KLF13: variants seen among roughly 807,000 people sequenced by gnomAD.
KLF13 encodes the protein KLF transcription factor 13, also known as Krueppel-like factor 13.
A neutral mutation model predicts 16.7 loss-of-function variants in KLF13; 8 were observed. The ratio of observed to expected loss-of-function variants is 0.48; its 90% CI spans 0.28 to 0.87. The LOEUF (loss-of-function observed/expected upper bound fraction) is 0.87, where lower values mean the gene tolerates loss of function less well. Among genes scored for constraint, KLF13 ranks in the 40% least tolerant of loss-of-function variants. KLF13 has a pLI of 0.10. For missense variants in KLF13, 447 were observed against 452.2 expected, an observed-to-expected ratio of 0.99 and a Z score of 0.10; for synonymous variants, 245 against 208.4, an observed-to-expected ratio of 1.18 and a Z score of -1.51.
chr15:31,349,058 T>G (rs118112208), intron 1 of KLF13, among the ~76,000 whole-genome samples: 1 of 152,070 alleles, frequency 6.6e-6, no homozygotes, highest in Non-Finnish European at 1.5e-5. Flanking sequence ...GGCTTCAGGG[T>G]ATGGGTTTTC....
intron 1 of KLF13, among the ~76,000 whole-genome samples, chr15:31,328,571 C>T (rs1011216134): frequency 6.6e-6 from 1 of 151,894 alleles, no homozygotes; most frequent in South Asian, 2.1e-4. Context: ...TGCCCTCTCG[C>T]CTGCCCACCT....
intron 1 of KLF13, among the ~76,000 whole-genome samples, chr15:31,433,759 C>T (rs1200172174): frequency 6.6e-6 from 1 of 151,744 alleles, no homozygotes; most frequent in Non-Finnish European, 1.5e-5. Context: ...AGCAGTGGTG[C>T]CCCTGTGTGG....
intron 1 of KLF13, among the ~76,000 whole-genome samples, chr15:31,355,016 G>A (rs4779865): frequency 0.82 from 125,132 of 152,082 alleles, 51,625 homozygotes; most frequent in South Asian, 0.88. Context: ...AAAACCCCCG[G>A]GCTTGGGGTT....
downstream of KLF13, among the ~76,000 whole-genome samples, chr15:31,408,082 C>T (rs975027033): frequency 6.6e-6 from 1 of 152,160 alleles, no homozygotes; most frequent in Non-Finnish European, 1.5e-5. Context: ...GAAGAACTAT[C>T]TCTGTTTGCA....
upstream of KLF13, among the ~76,000 whole-genome samples, chr15:31,389,827 G>A (rs4450360): frequency 0.051 from 7,793 of 152,172 alleles, 290 homozygotes; most frequent in East Asian, 0.13. Flanking sequence ...ACAGCTAACC[G>A]CTGGGCCAGG....
intron 1 of KLF13, among the ~76,000 whole-genome samples, chr15:31,357,386 A>T (rs1359632767): frequency 6.6e-6 from 1 of 152,100 alleles, no homozygotes; most frequent in Admixed American, 6.5e-5. Flanking sequence ...CTGATCCTTG[A>T]TGTCTGGTGA....
At chr15:31,356,033 C>A (rs79056675) in intron 1 of KLF13, among the ~76,000 whole-genome samples, 2,609 of 152,106 alleles carry the variant, frequency 0.017, 80 homozygotes, top group African/African-American at 0.06. Context: ...TTTTCCTTTC[C>A]TTCTGACTTT....
At chr15:31,342,629 C>G (rs889619063) in intron 1 of KLF13, among the ~76,000 whole-genome samples, 8 of 152,224 alleles carry the variant, frequency 5.3e-5, no homozygotes, top group Admixed American at 2.0e-4. Flanking sequence ...TCGCTCGTTT[C>G]CACAGGCATT....
intron 1 of KLF13, among the ~76,000 whole-genome samples, chr15:31,421,178 A>G (rs1443373377): frequency 6.6e-6 from 1 of 152,242 alleles, no homozygotes; most frequent in Non-Finnish European, 1.5e-5. Flanking sequence ...TTATTAAAAA[A>G]AAATGAAGGT....
chr15:31,420,996 C>T (rs995554926), intron 1 of KLF13, among the ~76,000 whole-genome samples: 1 of 152,178 alleles, frequency 6.6e-6, no homozygotes, highest in Non-Finnish European at 1.5e-5. Flanking sequence ...CCTGGCTTCC[C>T]TGCCTATCTT....
chr15:31,413,802 CAA>C (rs1266325259), intron 1 of KLF13, among the ~76,000 whole-genome samples: 3 of 152,108 alleles, frequency 2.0e-5, no homozygotes, highest in African/African-American at 7.2e-5. Context: ...TCCACAGAAA[CAA>C]AGAGTATCAG....
intron 1 of KLF13, among the ~76,000 whole-genome samples, chr15:31,425,479 G>A (rs1714073507): frequency 1.3e-5 from 2 of 152,210 alleles, no homozygotes; most frequent in African/African-American, 2.4e-5. Flanking sequence ...TTTCACATAT[G>A]TGGTCAAATG....
At chr15:31,418,248 A>C (rs1045234432) in intron 1 of KLF13, among the ~76,000 whole-genome samples, 3 of 152,320 alleles carry the variant, frequency 2.0e-5, no homozygotes, top group South Asian at 4.1e-4. Context: ...TTCAAACATA[A>C]AAAGAGAGAA....
At chr15:31,420,796 G>A (rs1216936201) in intron 1 of KLF13, 5 of 171,966 alleles carry the variant, frequency 2.9e-5, no homozygotes, top group African/African-American at 4.8e-5. Context: ...AGGTTCAAAC[G>A]ATTCTCGTGC....
At chr15:31,344,818 GT>G (rs2140942214) in intron 1 of KLF13, among the ~76,000 whole-genome samples, 1 of 152,300 alleles carries the variant, frequency 6.6e-6, no homozygotes, top group Non-Finnish European at 1.5e-5. Flanking sequence ...GGTGGGAGGG[GT>G]TTTGACTTTG....
At chr15:31,352,544 A>G (rs1314662602) in intron 1 of KLF13, among the ~76,000 whole-genome samples, 1 of 152,140 alleles carries the variant, frequency 6.6e-6, no homozygotes, top group Non-Finnish European at 1.5e-5. Flanking sequence ...ATGTGGTGCC[A>G]CTTGGTGTGC....
At chr15:31,428,507 A>G (rs1486072995) in intron 1 of KLF13, among the ~76,000 whole-genome samples, 1 of 152,094 alleles carries the variant, frequency 6.6e-6, no homozygotes, top group African/African-American at 2.4e-5. Context: ...TAAATTTTAT[A>G]TAGAAATGCC....
Position 31,372,423 on chromosome 15 carries a change from AG to A in KLF13, c.*126del. ...ACGAAAAAACAATTTTTTTCACCTC[AG>A]GTGTCAAAGTAAATTTGTTAAAAAA... On this transcript the variant is annotated 3_prime_UTR_variant, in exon 2 of 2. Transcript: ENST00000307145. 9 of 1,075,316 alleles carry A rather than the reference AG, an allele frequency of 8.4e-6. No individual in the cohort carries two copies. The highest frequency in any genetic ancestry group is 1.1e-5 in the Non-Finnish European group (9 of 808,064). 66.6% of individuals were successfully genotyped at this position (1,075,316 alleles called of 1,614,324 possible).
chr15:31,422,454 C>A (rs1385022621), intron 1 of KLF13, among the ~76,000 whole-genome samples: 2 of 152,202 alleles, frequency 1.3e-5, no homozygotes, highest in African/African-American at 2.4e-5. Context: ...ACCATCAGAT[C>A]TCCTAAGACT....
Sources: gnomAD v4.1 joint callset for allele counts (sites outside exome capture counted in the v4.1 genomes callset) on GRCh38, gnomAD v4.1.1 for gene constraint, MANE v1.5 for transcripts, NCBI Gene and HGNC (gene_info 2026-07-23, HGNC 2026-07-21) for gene names.